EYA1: variants seen among roughly 807,000 people sequenced by gnomAD.
EYA1 encodes protein phosphatase EYA1.
EYA1 carries 16 observed loss-of-function variants against 82.0 expected under a neutral mutation model. The ratio of observed to expected loss-of-function variants is 0.20; its 90% CI spans 0.13 to 0.30. The LOEUF (loss-of-function observed/expected upper bound fraction) is 0.30, where lower values mean the gene tolerates loss of function less well. Among genes scored for constraint, EYA1 ranks in the 10% least tolerant of loss-of-function variants. The probability of loss-of-function intolerance (pLI) is 1.00; values close to 1 mark genes in which losing one functional copy is unlikely to be tolerated. For missense variants in EYA1, 633 were observed against 730.7 expected, an observed-to-expected ratio of 0.87 and a Z score of 1.54; for synonymous variants, 261 against 264.4, an observed-to-expected ratio of 0.99 and a Z score of 0.12.
In EYA1 at chr8:71,487,838, T is replaced by C. The variant is rs947581820; in HGVS notation, c.33+47906A>G. On this transcript the variant is annotated intron_variant, in intron 2 of 18. Transcript: ENST00000643681. Reference sequence around the variant, plus strand: ...ACAATACCAAGAATTGTTGAAGACATGGAGCAATTGGAAAGCTCAGACATT... The same window carrying C: ...ACAATACCAAGAATTGTTGAAGACACGGAGCAATTGGAAAGCTCAGACATT... Among the ~76,000 whole-genome samples the C allele has an allele frequency of 4.6e-5, 7 of 152,322 alleles. No homozygotes were observed. The East Asian group carries it at 1.3e-3, about 29-fold the overall frequency.
chr8:71,398,527 A>G (rs546612838), intron 2 of EYA1, among the ~76,000 whole-genome samples: 12 of 152,310 alleles, frequency 7.9e-5, no homozygotes, highest in African/African-American at 2.6e-4. Flanking sequence ...CAGGACCCTC[A>G]GCTGCAGGTC....
chr8:71,215,605 G>T lies in EYA1; in HGVS notation c.1475+9C>A. The T allele has an allele frequency of 6.2e-7, 1 of 1,612,540 alleles. No individual in the cohort carries two copies. Among genetic ancestry groups the T allele is most frequent in the Non-Finnish European group, 8.5e-7 (1 of 1,178,562 alleles). ...CATTTCCTGGCAAAGACCCCGCAGAGAGCCTCACCGGGAGTGAATGAGCGA... is the reference window on the plus strand; with the variant it reads ...CATTTCCTGGCAAAGACCCCGCAGATAGCCTCACCGGGAGTGAATGAGCGA... On this transcript the variant is annotated intron_variant, in intron 15 of 17. Transcript: ENST00000340726.
chr8:71,235,234 C>T (rs186066739), intron 12 of EYA1, among the ~76,000 whole-genome samples: 58 of 152,308 alleles, frequency 3.8e-4, no homozygotes, highest in African/African-American at 1.4e-3. Flanking sequence ...ACTATTCTAT[C>T]ATGTCCATGC....
At chr8:71,322,565 C>G (rs1586358103) in intron 4 of EYA1, 2 of 405,450 alleles carry the variant, frequency 4.9e-6, no homozygotes, top group African/African-American at 4.1e-5. Flanking sequence ...AGTGGCAATA[C>G]TTAAAGAGTA....
chr8:71,534,813 T>C (rs1432561102), intron 2 of EYA1, among the ~76,000 whole-genome samples: 3 of 151,262 alleles, frequency 2.0e-5, no homozygotes, highest in Non-Finnish European at 2.9e-5. Context: ...CAAACCACCA[T>C]GTTGCACATA....
chr8:71,443,950 C>G (rs920619756), intron 2 of EYA1, among the ~76,000 whole-genome samples: 1 of 152,222 alleles, frequency 6.6e-6, no homozygotes, highest in African/African-American at 2.4e-5. Flanking sequence ...TCTGTTTTCT[C>G]TAGAAAGGCC....
At chr8:71,376,769 A>G (rs535668754) in intron 2 of EYA1, among the ~76,000 whole-genome samples, 2 of 152,316 alleles carry the variant, frequency 1.3e-5, no homozygotes, top group East Asian at 3.9e-4. Context: ...TTTCTTGCTC[A>G]TACAAGAACA....
At chr8:71,355,703 A>G (rs569932672) in intron 2 of EYA1, among the ~76,000 whole-genome samples, 2 of 152,348 alleles carry the variant, frequency 1.3e-5, no homozygotes, top group Admixed American at 1.3e-4. Flanking sequence ...CTTTAGTGCT[A>G]TAATTTTGCA....
At chr8:71,503,073 G>T (rs1811932146) in intron 2 of EYA1, among the ~76,000 whole-genome samples, 2 of 152,128 alleles carry the variant, frequency 1.3e-5, no homozygotes, top group Admixed American at 1.3e-4. Context: ...CAATAAGAGT[G>T]CATACTCCTT....
intron 12 of EYA1, among the ~76,000 whole-genome samples, chr8:71,242,684 T>G (rs1812618043): frequency 6.6e-6 from 1 of 152,042 alleles, no homozygotes; most frequent in Non-Finnish European, 1.5e-5. Flanking sequence ...AGTTTGGAAG[T>G]TTTTTGGTCT....
At chr8:71,364,992 A>C, upstream of EYA1, among the ~76,000 whole-genome samples, 1 of 141,888 alleles carries the variant, frequency 7.0e-6, no homozygotes, top group South Asian at 2.2e-4. Context: ...ATATACATAT[A>C]CACACACACA....
chr8:71,456,938 C>T (rs1183326746), intron 2 of EYA1, among the ~76,000 whole-genome samples: 3 of 152,148 alleles, frequency 2.0e-5, no homozygotes, highest in Non-Finnish European at 4.4e-5. Flanking sequence ...AGAGCTTCTG[C>T]ACAGCAAAAG....
Position 71,266,658 on chromosome 8 carries a change from C to G in EYA1, c.1050+3082G>C, listed in dbSNP as rs575471738. ...AATCAAGCTAAGAGACTCCAAGGAG[C>G]CTCTAACCCTAATCTGTGCAATGTT... On this transcript the variant is annotated intron_variant, in intron 11 of 17. Coordinates refer to ENST00000340726, the MANE Select transcript of EYA1 (RefSeq NM_000503.6). Among the ~76,000 whole-genome samples the G allele has an allele frequency of 1.5e-4, 23 of 152,054 alleles. 1 individual carries two copies. Among genetic ancestry groups the G allele is most frequent in the African/African-American group, 5.5e-4 (23 of 41,508 alleles).
At chr8:71,541,858 C>T (rs1815163631) in intron 1 of EYA1, among the ~76,000 whole-genome samples, 2 of 152,162 alleles carry the variant, frequency 1.3e-5, no homozygotes, top group Admixed American at 6.5e-5. Context: ...CTTCTTCAAA[C>T]GTTGTTTTGA....
At chr8:71,546,934 CACA>C (rs1428110305) in intron 1 of EYA1, among the ~76,000 whole-genome samples, 7 of 152,260 alleles carry the variant, frequency 4.6e-5, no homozygotes, top group Non-Finnish European at 7.4e-5. Context: ...GTCTTGCTAC[CACA>C]ACAACAAAAG....
rs146424728 is a variant in EYA1 at position 71,303,003 on chromosome 8, C to A, written c.557-3283G>T. On this transcript the variant is annotated intron_variant, in intron 7 of 17. Coordinates refer to ENST00000340726, the MANE Select transcript of EYA1 (RefSeq NM_000503.6). ...CTTTTGAACTTCTTTGGTCTTTTCC[C>A]AGCAACTGTGACTCCAATGCACCCG... 8.1e-3 allele frequency among the ~76,000 whole-genome samples: 1,150 copies of A among 142,324 alleles called. 90 individuals are homozygous for A. Among genetic ancestry groups the A allele is most frequent in the African/African-American group, 0.027 (1,082 of 40,346 alleles). The allele number at this position is 142,324 out of a possible 152,430, so 93.4% of individuals were successfully genotyped here.
intron 2 of EYA1, among the ~76,000 whole-genome samples, chr8:71,510,537 G>A (rs1812518323): frequency 6.6e-6 from 1 of 152,166 alleles, no homozygotes; most frequent in South Asian, 2.1e-4. Flanking sequence ...CCACAGGGCG[G>A]GAGGAGAGAG....
chr8:71,369,054 AT>A (rs1481692161), intron 2 of EYA1, among the ~76,000 whole-genome samples: 11 of 140,260 alleles, frequency 7.8e-5, no homozygotes, highest in African/African-American at 2.5e-4. Context: ...AAAAAAAAAA[AT>A]AGCTGGACGT....
intron 11 of EYA1, among the ~76,000 whole-genome samples, chr8:71,256,886 C>T (rs1040276916): frequency 2.0e-5 from 3 of 151,924 alleles, no homozygotes; most frequent in African/African-American, 7.3e-5. Context: ...CTAATCCCAG[C>T]TACATGGGAG....
Sources: allele counts gnomAD v4.1 joint callset (sites outside exome capture counted in the v4.1 genomes callset), GRCh38; gene constraint gnomAD v4.1.1; transcripts MANE v1.5; gene names NCBI Gene and HGNC (gene_info 2026-07-23, HGNC 2026-07-21).